Variants in KSR2 observed in about 807,000 individuals in gnomAD.
The protein encoded by KSR2 is kinase suppressor of ras 2.
KSR2 carries 25 observed loss-of-function variants against 107.8 expected under a neutral mutation model. The observed-to-expected ratio is 0.23, with a 90% CI of 0.17 to 0.32. The LOEUF (loss-of-function observed/expected upper bound fraction) is 0.32, where lower values mean the gene tolerates loss of function less well. KSR2 is among the 10% of genes least tolerant of loss of function. The pLI is 1.00. For missense variants in KSR2, 887 were observed against 1,268.9 expected (o/e 0.70, Z 4.57); for synonymous variants, 480 against 507.0 (o/e 0.95, Z 0.71).
intron 14 of KSR2, among the ~76,000 whole-genome samples, chr12:117,492,355 G>C (rs1462577518): frequency 6.6e-6 from 1 of 152,220 alleles, no homozygotes; most frequent in African/African-American, 2.4e-5. Flanking sequence ...GACTGGGACA[G>C]AAGTCTGAAT....
chr12:117,590,735 A>G (rs61025139), intron 5 of KSR2, among the ~76,000 whole-genome samples: 1,580 of 152,288 alleles, frequency 0.01, 30 homozygotes, highest in African/African-American at 0.036. Context: ...ACACCCACTC[A>G]TTGACACACT....
intron 1 of KSR2, among the ~76,000 whole-genome samples, chr12:117,882,982 C>A (rs961003805): frequency 6.6e-6 from 1 of 151,856 alleles, no homozygotes; most frequent in African/African-American, 2.4e-5. Context: ...AAGCAACCAT[C>A]CATTCAATCC....
intron 14 of KSR2, among the ~76,000 whole-genome samples, chr12:117,499,386 T>G (rs1190166456): frequency 1.3e-5 from 2 of 152,226 alleles, no homozygotes; most frequent in Non-Finnish European, 2.9e-5. Context: ...AAATGCATGT[T>G]CCTTTTGTAA....
At chr12:117,926,133 G>A (rs1320549701) in intron 1 of KSR2, among the ~76,000 whole-genome samples, 1 of 152,142 alleles carries the variant, frequency 6.6e-6, no homozygotes, top group East Asian at 1.9e-4. Flanking sequence ...GGAGGCGGAG[G>A]TTGCACTGAG....
intron 3 of KSR2, among the ~76,000 whole-genome samples, chr12:117,840,769 G>A (rs572917615): frequency 8.5e-5 from 13 of 152,134 alleles, no homozygotes; most frequent in African/African-American, 2.6e-4. Flanking sequence ...CTGGGAGGCC[G>A]AGGTGGGCGA....
chr12:117,520,189 A>G (rs1874657921), intron 14 of KSR2, among the ~76,000 whole-genome samples: 1 of 152,168 alleles, frequency 6.6e-6, no homozygotes, highest in South Asian at 2.1e-4. Flanking sequence ...TCTGCCAGTT[A>G]TTTGTTCTAT....
At chr12:117,864,898 A>G (rs752409072) in intron 1 of KSR2, among the ~76,000 whole-genome samples, 1 of 152,136 alleles carries the variant, frequency 6.6e-6, no homozygotes, top group Non-Finnish European at 1.5e-5. Flanking sequence ...TAGGATTTCA[A>G]CATTTGAATC....
intron 4 of KSR2, among the ~76,000 whole-genome samples, chr12:117,757,856 C>T (rs558719706): frequency 3.0e-4 from 46 of 152,310 alleles, no homozygotes; most frequent in African/African-American, 9.6e-4. Context: ...ACCCAAAATT[C>T]GTGTCATTCA....
At chr12:117,754,227 C>T (rs1310370267) in intron 4 of KSR2, among the ~76,000 whole-genome samples, 1 of 152,034 alleles carries the variant, frequency 6.6e-6, no homozygotes, top group Non-Finnish European at 1.5e-5. Flanking sequence ...TCTTGTCATG[C>T]TCATTCTGAA....
At chr12:117,566,365 C>G (rs1199436436) in intron 7 of KSR2, among the ~76,000 whole-genome samples, 1 of 152,218 alleles carries the variant, frequency 6.6e-6, no homozygotes, top group Non-Finnish European at 1.5e-5. Context: ...CGTGATCTGC[C>G]TACCTTGGCC....
chr12:117,793,515 GCA>G (rs1038811125), intron 3 of KSR2, among the ~76,000 whole-genome samples: 11 of 102,176 alleles, frequency 1.1e-4, no homozygotes, highest in African/African-American at 3.7e-4. Context: ...ACACCAATAT[GCA>G]CACATACACC....
In KSR2 at chr12:117,889,776, C is replaced by G. The variant is rs1894285004; in HGVS notation, c.181-29345G>C. ...GTCCTCCAGGGGACTTTGGCAATGTCTATAAATATTTTGGTTGTCACAACT... is the reference window on the plus strand; with the variant it reads ...GTCCTCCAGGGGACTTTGGCAATGTGTATAAATATTTTGGTTGTCACAACT... On this transcript the variant is annotated intron_variant, in intron 1 of 19. Transcript: ENST00000339824. 2 of 152,202 alleles carry G rather than the reference C, an allele frequency of 1.3e-5. 1 individual carries two copies. Among genetic ancestry groups the G allele is most frequent in the African/African-American group, 4.8e-5 (2 of 41,442 alleles). The allele number at this position is 152,202 out of a possible 1,614,324, so 9.4% of individuals were successfully genotyped here.
At chr12:117,911,937 A>G (rs1895029689) in intron 1 of KSR2, among the ~76,000 whole-genome samples, 1 of 152,246 alleles carries the variant, frequency 6.6e-6, no homozygotes, top group Non-Finnish European at 1.5e-5. Flanking sequence ...AGGGACCTCA[A>G]ATTTAGACAT....
rs149654452 is a variant in KSR2 at position 117,540,497 on chromosome 12, G to A, written c.1519-610C>T. Among the ~76,000 whole-genome samples, 254 of 152,312 alleles carry A rather than the reference G, an allele frequency of 1.7e-3. 2 individuals are homozygous for A. Among genetic ancestry groups the A allele is most frequent in the African/African-American group, 5.8e-3 (242 of 41,580 alleles). On this transcript the variant is annotated intron_variant, in intron 9 of 19. Transcript: ENST00000339824. ...ACGTCCACCCAGGACCTCTGAATCT[G>A]ATCATATTTAAAATAAGGGTCTTTG...
intron 9 of KSR2, among the ~76,000 whole-genome samples, chr12:117,542,543 C>T (rs1383963467): frequency 6.6e-6 from 1 of 152,124 alleles, no homozygotes; most frequent in Non-Finnish European, 1.5e-5. Flanking sequence ...CCTCATGTTG[C>T]CCGTTTATAG....
intron 16 of KSR2, among the ~76,000 whole-genome samples, chr12:117,477,420 G>C (rs1033070986): frequency 6.6e-6 from 1 of 152,200 alleles, no homozygotes; most frequent in Non-Finnish European, 1.5e-5. Flanking sequence ...CCTAGGTTCT[G>C]TGCTTGGCAC....
rs973085010 is a variant in KSR2 at position 117,842,700 on chromosome 12, G to T, written c.472+12728C>A. Among the ~76,000 whole-genome samples, 2 of 152,172 alleles carry T rather than the reference G, an allele frequency of 1.3e-5. No homozygotes were observed. The highest frequency in any genetic ancestry group is 2.9e-5 in the Non-Finnish European group (2 of 68,042). On this transcript the variant is annotated intron_variant, in intron 3 of 19. Coordinates refer to ENST00000339824, the MANE Select transcript of KSR2 (RefSeq NM_173598.6). The surrounding 1 kb of genome is among the most constrained non-coding windows in gnomAD (Gnocchi z 4.2). The stretch of plus-strand genomic sequence containing the variant: ...TCAGAGATGACAGCCAGAGAGTCGG[G>T]TTCTCTTTGTTCTCATTGGGGGGGT...
chr12:117,968,494 C>G lies in KSR2; in HGVS notation c.-239G>C. ...AGCGGACTCCATTAGAATGTCTCCT[C>G]TCTCTCTGAGTCTCTGGTCCCTGAA... On this transcript the variant is annotated 5_prime_UTR_variant, in exon 1 of 20. Transcript: ENST00000339824. 3.1e-6 allele frequency: 4 copies of G among 1,281,222 alleles called. No individual in the cohort carries two copies. Among genetic ancestry groups the G allele is most frequent in the Non-Finnish European group, 3.9e-6 (4 of 1,020,166 alleles). 79.4% of individuals were successfully genotyped at this position (1,281,222 alleles called of 1,614,324 possible).
intron 3 of KSR2, among the ~76,000 whole-genome samples, chr12:117,775,049 T>A (rs1201826814): frequency 6.6e-6 from 1 of 152,252 alleles, no homozygotes; most frequent in Non-Finnish European, 1.5e-5. Flanking sequence ...TGTTTAAGCA[T>A]TCCTCAGCTG....
Sources: gnomAD v4.1 joint callset for allele counts (sites outside exome capture counted in the v4.1 genomes callset) on GRCh38, gnomAD v4.1.1 for gene constraint, Gnocchi (gnomAD v3.1) non-coding constraint, MANE v1.5 for transcripts, NCBI Gene and HGNC (gene_info 2026-07-23, HGNC 2026-07-21) for gene names.